MCCC1: variants seen among roughly 807,000 people sequenced by gnomAD.
The protein encoded by MCCC1 is methylcrotonoyl-CoA carboxylase subunit alpha, mitochondrial.
MCCC1 carries 64 observed loss-of-function variants against 83.8 expected under a neutral mutation model. That is an observed-to-expected ratio of 0.76 (90% CI 0.62 to 0.94). The LOEUF (loss-of-function observed/expected upper bound fraction) is 0.94, where lower values mean the gene tolerates loss of function less well. MCCC1 is among the 40% of genes least tolerant of loss of function. The pLI, the probability that MCCC1 is intolerant of heterozygous loss-of-function variation, is 0.00. For missense variants in MCCC1, 807 were observed against 904.7 expected, an observed-to-expected ratio of 0.89 and a Z score of 1.39; for synonymous variants, 322 against 315.4, an observed-to-expected ratio of 1.02 and a Z score of -0.22.
rs144274835 is a variant in MCCC1 at position 183,023,612 on chromosome 3, C to T, written c.1732-1058G>A. Among the ~76,000 whole-genome samples, 40 of 152,334 alleles carry T rather than the reference C, an allele frequency of 2.6e-4. No individual in the cohort carries two copies. The East Asian group carries it at 5.6e-3, about 21-fold the overall frequency. On this transcript the variant is annotated intron_variant, in intron 15 of 18. Transcript: ENST00000265594. ...ATTATAACCCTCATACCCAAGTAGG[C>T]AGACTTTCCATGGTTTTTCTGAATC...
intron 2 of MCCC1, among the ~76,000 whole-genome samples, chr3:183,094,317 T>G (rs1718584148): frequency 6.6e-6 from 1 of 152,118 alleles, no homozygotes; most frequent in African/African-American, 2.4e-5. Flanking sequence ...CCCAAAGTGC[T>G]GGGATACAGG....
At chr3:183,116,194 A>C (rs187836202), upstream of MCCC1, 50 of 177,536 alleles carry the variant, frequency 2.8e-4, no homozygotes, top group Admixed American at 9.8e-4. Context: ...GCTCATGCGC[A>C]CTGACTGCAC....
intron 8 of MCCC1, among the ~76,000 whole-genome samples, chr3:183,052,537 G>A (rs1045869372): frequency 1.6e-4 from 24 of 152,258 alleles, no homozygotes; most frequent in African/African-American, 5.1e-4. Flanking sequence ...AGCCAGGTGC[G>A]GTGGCTCACG....
At chr3:183,039,483 T>C (rs1713891885) in intron 11 of MCCC1, among the ~76,000 whole-genome samples, 1 of 152,168 alleles carries the variant, frequency 6.6e-6, no homozygotes, top group Admixed American at 6.5e-5. Flanking sequence ...ATTTCTGCCC[T>C]TAGCATTCCC....
intron 3 of MCCC1, chr3:183,090,993 C>A (rs1189290614): frequency 6.6e-6 from 3 of 456,386 alleles, no homozygotes; most frequent in South Asian, 1.5e-5. Context: ...GTGGCAGGAA[C>A]CTCAATTTTA....
At chr3:183,114,984 G>GTGGTGCTAA (rs1211958255) in intron 1 of MCCC1, among the ~76,000 whole-genome samples, 1 of 152,016 alleles carries the variant, frequency 6.6e-6, no homozygotes, top group East Asian at 1.9e-4. Flanking sequence ...CTCCCGGCTC[G>GTGGTGCTAA]TGGTGCTAAA....
upstream of MCCC1, chr3:183,099,603 A>G (rs551408713): frequency 1.3e-6 from 1 of 786,272 alleles, no homozygotes; most frequent in East Asian, 2.7e-5. Context: ...CGTCTCCACG[A>G]ACACCAATCA....
intron 16 of MCCC1, among the ~76,000 whole-genome samples, chr3:183,022,111 A>C (rs1712204551): frequency 6.6e-6 from 1 of 152,242 alleles, no homozygotes; most frequent in African/African-American, 2.4e-5. Flanking sequence ...GCCCTGAGAT[A>C]CCACCACCCA....
At chr3:183,037,152 G>A in intron 13 of MCCC1, 66 bp downstream of exon 13, 1 of 1,484,980 alleles carries the variant, frequency 6.7e-7, no homozygotes, top group Middle Eastern at 2.4e-4. Context: ...CATACAGAAA[G>A]AAAAGCATGT....
chr3:183,068,505 C>T (rs1288035554), intron 7 of MCCC1, among the ~76,000 whole-genome samples: 3 of 152,176 alleles, frequency 2.0e-5, no homozygotes, highest in Non-Finnish European at 4.4e-5. Flanking sequence ...AAGAAATAAC[C>T]ATAAAAATGG....
At chr3:183,023,464 A>G (rs945577939) in intron 15 of MCCC1, among the ~76,000 whole-genome samples, 1 of 152,234 alleles carries the variant, frequency 6.6e-6, no homozygotes, top group Non-Finnish European at 1.5e-5. Context: ...TTGTTTAAAG[A>G]TTCACGAAAA....
At chr3:183,090,837 C>T in intron 3 of MCCC1, 2 of 354,876 alleles carry the variant, frequency 5.6e-6, no homozygotes, top group Middle Eastern at 3.8e-4. Context: ...ATTCATCTGC[C>T]TCGGCTTCCC....
chr3:183,053,869 T>A (rs1426841514), intron 8 of MCCC1, among the ~76,000 whole-genome samples: 1 of 146,504 alleles, frequency 6.8e-6, no homozygotes. Context: ...GAATTAAGGC[T>A]ATAAAGAATT....
chr3:183,044,185 A>G (rs1022346855), intron 10 of MCCC1, among the ~76,000 whole-genome samples: 1 of 152,238 alleles, frequency 6.6e-6, no homozygotes, highest in Non-Finnish European at 1.5e-5. Context: ...CAGGATATAC[A>G]AGGAACCACG....
chr3:183,045,292 C>T (rs1714458873), intron 10 of MCCC1, 121 bp downstream of exon 10: 1 of 1,145,812 alleles, frequency 8.7e-7, no homozygotes, highest in Non-Finnish European at 1.3e-6. Context: ...ATTGGCCAGG[C>T]TGGTCTCGAA....
chr3:183,081,258 AT>A (rs1190336105), intron 4 of MCCC1, among the ~76,000 whole-genome samples: 1 of 152,224 alleles, frequency 6.6e-6, no homozygotes, highest in Non-Finnish European at 1.5e-5. Context: ...TCAGGCATGT[AT>A]TGAGCTGCCA....
At chr3:183,111,507 C>T (rs996714858) in intron 1 of MCCC1, among the ~76,000 whole-genome samples, 1 of 152,160 alleles carries the variant, frequency 6.6e-6, no homozygotes, top group Non-Finnish European at 1.5e-5. Context: ...GCCATGTTGG[C>T]CAGGCTGGTT....
intron 14 of MCCC1, among the ~76,000 whole-genome samples, chr3:183,029,812 G>A (rs1052006469): frequency 1.3e-5 from 2 of 151,816 alleles, no homozygotes; most frequent in African/African-American, 4.8e-5. Flanking sequence ...CCTGCCTCAG[G>A]CCCCACTGCC....
At chr3:183,059,352 A>T (rs1715658997) in intron 7 of MCCC1, among the ~76,000 whole-genome samples, 1 of 152,192 alleles carries the variant, frequency 6.6e-6, no homozygotes, top group Non-Finnish European at 1.5e-5. Context: ...ATCTTTTCTG[A>T]ATGTTCCCAT....
Sources: allele counts gnomAD v4.1 joint callset (sites outside exome capture counted in the v4.1 genomes callset), GRCh38; gene constraint gnomAD v4.1.1; transcripts MANE v1.5; gene names NCBI Gene and HGNC (gene_info 2026-07-23, HGNC 2026-07-21).